FGF12: variants seen among roughly 807,000 people sequenced by gnomAD.
FGF12 encodes the protein fibroblast growth factor 12B.
A neutral mutation model predicts 23.6 loss-of-function variants in FGF12; 14 were observed. The observed-to-expected ratio is 0.59, with a 90% CI of 0.39 to 0.93. The LOEUF (loss-of-function observed/expected upper bound fraction) is 0.93. FGF12 is among the 40% of genes least tolerant of loss of function. The pLI, the probability that FGF12 is intolerant of heterozygous loss-of-function variation, is 0.00. For missense variants in FGF12, 175 were observed against 217.8 expected (o/e 0.80, Z 1.24); for synonymous variants, 62 against 77.3 (o/e 0.80, Z 1.04).
At chr3:192,567,876 A>C (rs1712415291) in intron 2 of FGF12, among the ~76,000 whole-genome samples, 1 of 146,022 alleles carries the variant, frequency 6.8e-6, no homozygotes, top group Non-Finnish European at 1.5e-5. Context: ...CTTGTCGTCC[A>C]GGCTGGAGTG....
rs113508070 is a variant in FGF12, at chr3:192,647,712, CATAT to C, written c.13+79465_13+79468del. Among the ~76,000 whole-genome samples the C allele has an allele frequency of 4.0e-3, 572 of 142,922 alleles. 3 individuals are homozygous for C. The highest frequency in any genetic ancestry group is 0.014 in the African/African-American group (550 of 38,108). 93.8% of individuals were successfully genotyped at this position (142,922 alleles called of 152,430 possible). A position where few individuals can be genotyped will look rare whatever the true frequency, so the allele number is the denominator to read the frequency against. ...ATATATGTATATATGTGTATATATA[CATAT>C]ATATATACACATATATACATACATG... On this transcript the variant is annotated intron_variant, in intron 2 of 5. Transcript: ENST00000445105.
chr3:192,504,367 A>G (rs573972113), intron 2 of FGF12, among the ~76,000 whole-genome samples: 23 of 152,212 alleles, frequency 1.5e-4, no homozygotes, highest in Non-Finnish European at 2.5e-4. Context: ...AAATAAAAGA[A>G]TATCTATGCC....
intron 2 of FGF12, among the ~76,000 whole-genome samples, chr3:192,391,440 T>C (rs1720290449): frequency 6.6e-6 from 1 of 152,222 alleles, no homozygotes; most frequent in Non-Finnish European, 1.5e-5. Context: ...TGAAGTTCTT[T>C]TCTCAAAGCA....
intron 2 of FGF12, among the ~76,000 whole-genome samples, chr3:192,384,387 G>C (rs1014861914): frequency 2.0e-5 from 3 of 152,198 alleles, no homozygotes; most frequent in African/African-American, 7.2e-5. Context: ...CAAGAAGCTA[G>C]AGAAGAGGGG....
intron 2 of FGF12, among the ~76,000 whole-genome samples, chr3:192,570,228 A>T (rs1265707865): frequency 6.6e-5 from 10 of 152,140 alleles, no homozygotes; most frequent in Non-Finnish European, 1.5e-4. Flanking sequence ...TTTGTTTTCC[A>T]TGGGGGGGAG....
At chr3:192,325,130 G>A (rs1313487945) in intron 4 of FGF12, among the ~76,000 whole-genome samples, 6 of 152,244 alleles carry the variant, frequency 3.9e-5, no homozygotes, top group Admixed American at 3.9e-4. Flanking sequence ...CATGTCACAT[G>A]TTTGCAAGCG....
At chr3:192,668,086 T>C (rs571878130) in intron 2 of FGF12, among the ~76,000 whole-genome samples, 1 of 151,952 alleles carries the variant, frequency 6.6e-6, no homozygotes, top group African/African-American at 2.4e-5. Context: ...ATTGGTTTAA[T>C]AAATGTTAGT....
chr3:192,445,921 A>G (rs1452116418), intron 2 of FGF12, among the ~76,000 whole-genome samples: 1 of 152,140 alleles, frequency 6.6e-6, no homozygotes, highest in Non-Finnish European at 1.5e-5. Context: ...CACACCAATC[A>G]TTTTGCAACT....
At position 192,357,647 on chromosome 3, in the gene FGF12, G is replaced by T. The variant is rs181243271; in HGVS notation, c.124+2781C>A. Among the ~76,000 whole-genome samples the T allele has an allele frequency of 1.7e-3, 253 of 151,680 alleles. 3 individuals are homozygous for T. The East Asian group carries it at 0.032, about 19-fold the overall frequency. ...CACCTAGTCATTCATCATTCACTTT[G>T]TATTGAGTGCTTACTATGTATTACA... On this transcript the variant is annotated intron_variant, in intron 3 of 5. Transcript: ENST00000445105.
intron 2 of FGF12, among the ~76,000 whole-genome samples, chr3:192,414,998 T>C (rs1412625869): frequency 6.6e-6 from 1 of 150,872 alleles, no homozygotes; most frequent in East Asian, 1.9e-4. Flanking sequence ...ACACTCTCCT[T>C]CTTAGTTTAG....
At chr3:192,397,519 T>A (rs1330851345) in intron 2 of FGF12, among the ~76,000 whole-genome samples, 1 of 152,144 alleles carries the variant, frequency 6.6e-6, no homozygotes, top group Non-Finnish European at 1.5e-5. Flanking sequence ...GCAATATCCT[T>A]TGAAGCAACA....
chr3:192,458,255 G>C (rs140352366), intron 2 of FGF12, among the ~76,000 whole-genome samples: 2,327 of 152,274 alleles, frequency 0.015, 48 homozygotes, highest in African/African-American at 0.051. Context: ...CTGCCTAGTA[G>C]AGCTGTGAGA....
intron 2 of FGF12, among the ~76,000 whole-genome samples, chr3:192,668,233 T>C (rs1400713977): frequency 6.6e-6 from 1 of 151,720 alleles, no homozygotes; most frequent in East Asian, 1.9e-4. Context: ...TTATATAAAA[T>C]TGAAAACTGC....
rs1718659576 is a variant in FGF12 at position 192,360,302 on chromosome 3, T to A, written c.124+126A>T. 1.5e-6 allele frequency: 1 copy of A among 662,786 alleles called. No homozygotes were observed. The highest frequency in any genetic ancestry group is 1.8e-5 in the African/African-American group (1 of 55,278). 41.1% of individuals were successfully genotyped at this position (662,786 alleles called of 1,614,324 possible). On this transcript the variant is annotated intron_variant, in intron 3 of 5. Transcript: ENST00000445105. This position sits in a 1 kb window ranked among gnomAD's most constrained non-coding sequence, Gnocchi z 4.3. Reference sequence around the variant, plus strand: ...GAAGGATAAAGGAAAAGACACTAGCTTACTAATAGTTAAATAGTTTGAAAG... The same window carrying A: ...GAAGGATAAAGGAAAAGACACTAGCATACTAATAGTTAAATAGTTTGAAAG...
At position 192,379,331 on chromosome 3, in the gene FGF12, A is replaced by T. The variant is rs76385623; in HGVS notation, c.14-18793T>A. On this transcript the variant is annotated intron_variant, in intron 2 of 5. Coordinates refer to ENST00000445105, the MANE Select transcript of FGF12 (RefSeq NM_004113.6). ...AATAAAATCATGTATTCTGGAGATA[A>T]CCTAACAAATTGTCACTGTGTATAG... 2.1e-3 allele frequency among the ~76,000 whole-genome samples: 325 copies of T among 151,926 alleles called. 1 individual carries two copies. The highest frequency in any genetic ancestry group is 7.1e-3 in the African/African-American group (293 of 41,420).
intron 2 of FGF12, among the ~76,000 whole-genome samples, chr3:192,548,014 A>G (rs1289390329): frequency 6.6e-6 from 1 of 152,212 alleles, no homozygotes; most frequent in African/African-American, 2.4e-5. Context: ...ACCAAGATTT[A>G]AAAAACTTTC....
At chr3:192,439,917 A>G (rs1013592234) in intron 2 of FGF12, among the ~76,000 whole-genome samples, 4 of 150,906 alleles carry the variant, frequency 2.7e-5, no homozygotes, top group South Asian at 2.1e-4. Flanking sequence ...CAGAGGCTGC[A>G]GTGAGCTGAG....
At chr3:192,385,264 A>AT (rs1395098739) in intron 2 of FGF12, among the ~76,000 whole-genome samples, 5 of 151,950 alleles carry the variant, frequency 3.3e-5, no homozygotes, top group Non-Finnish European at 4.4e-5. Flanking sequence ...ATTTATGTAG[A>AT]TTTTTTCTAA....
chr3:192,166,788 A>G (rs1332239067), intron 5 of FGF12, among the ~76,000 whole-genome samples: 2 of 152,296 alleles, frequency 1.3e-5, no homozygotes, highest in East Asian at 3.9e-4. Flanking sequence ...AGATAAAGAC[A>G]TTTATAGGGA....
Sources: allele counts gnomAD v4.1 joint callset (sites outside exome capture counted in the v4.1 genomes callset), GRCh38; gene constraint gnomAD v4.1.1; non-coding constraint Gnocchi (gnomAD v3.1); transcripts MANE v1.5; gene names NCBI Gene and HGNC (gene_info 2026-07-23, HGNC 2026-07-21).